The following CERT1 variants were observed in gnomAD, a reference collection of about 807,000 sequenced individuals.
CERT1 encodes the protein ceramide transfer protein.
A neutral mutation model predicts 87.9 loss-of-function variants in CERT1; 31 were observed. The ratio of observed to expected loss-of-function variants is 0.35; its 90% CI spans 0.27 to 0.48. The LOEUF is 0.48. CERT1 is among the 20% of genes least tolerant of loss of function. CERT1 has a pLI of 0.99. For missense variants in CERT1, 487 were observed against 758.0 expected, an observed-to-expected ratio of 0.64 and a Z score of 4.20; for synonymous variants, 289 against 250.9, an observed-to-expected ratio of 1.15 and a Z score of -1.44.
At chr5:75,511,041 C>T (rs1040547895) in intron 1 of CERT1, 71 bp downstream of exon 1, 3 of 1,455,040 alleles carry the variant, frequency 2.1e-6, no homozygotes, top group African/African-American at 2.9e-5. Flanking sequence ...AGCCCCACCC[C>T]ACCGCCTCAG....
chr5:75,445,939 T>C lies in CERT1; in HGVS notation c.348+13126A>G, dbSNP rs146159052. 4.7e-3 allele frequency among the ~76,000 whole-genome samples: 709 copies of C among 152,350 alleles called. 11 individuals are homozygous for C. The highest frequency in any genetic ancestry group is 0.034 in the Admixed American group (517 of 15,306). ...CTTTTATATGATGAGCTGCTTCTGA[T>C]TGCTTTCAGGATACTCTGTATGTCT... On this transcript the variant is annotated intron_variant, in intron 3 of 16. Transcript: ENST00000643780.
At chr5:75,433,925 TTTA>T (rs1022360461) in intron 3 of CERT1, among the ~76,000 whole-genome samples, 1 of 152,218 alleles carries the variant, frequency 6.6e-6, no homozygotes, top group African/African-American at 2.4e-5. Flanking sequence ...TAGAATAATA[TTTA>T]TTATCTGTGA....
chr5:75,406,713 T>C (rs1762719822), intron 8 of CERT1, among the ~76,000 whole-genome samples: 1 of 151,970 alleles, frequency 6.6e-6, no homozygotes. Context: ...TACAGCTAAT[T>C]TTTGTATTTT....
intron 14 of CERT1, among the ~76,000 whole-genome samples, chr5:75,383,446 C>A (rs917803471): frequency 4.0e-4 from 61 of 152,044 alleles, no homozygotes; most frequent in African/African-American, 1.4e-3. Context: ...TCTTTTGGTT[C>A]TAAATTATTG....
chr5:75,441,086 C>T (rs1764301336), intron 3 of CERT1, among the ~76,000 whole-genome samples: 1 of 152,068 alleles, frequency 6.6e-6, no homozygotes, highest in South Asian at 2.1e-4. Flanking sequence ...CTAGTATGTA[C>T]AGTCATGCAC....
Position 75,380,938 on chromosome 5 carries a change from T to C in CERT1, c.1747+134A>G, listed in dbSNP as rs1421347179. 5 of 898,154 alleles carry C rather than the reference T, an allele frequency of 5.6e-6. No individual in the cohort carries two copies. In the Admixed American group the frequency reaches 1.1e-4, roughly 20 times the overall value. 55.6% of individuals were successfully genotyped at this position (898,154 alleles called of 1,614,324 possible). ...TTCAAAGATTCTCTAGTAATTCTGA[T>C]ATACCTTTCTCCAAATTAAAAATTA... On this transcript the variant is annotated intron_variant, in intron 16 of 16. Coordinates refer to ENST00000643780, the MANE Select transcript of CERT1 (RefSeq NM_001379029.1).
intron 15 of CERT1, among the ~76,000 whole-genome samples, chr5:75,381,514 C>A (rs528126200): frequency 6.6e-6 from 1 of 151,174 alleles, no homozygotes; most frequent in East Asian, 1.9e-4. Context: ...CATCACCAGG[C>A]CTGGCTAATT....
At chr5:75,509,516 G>A (rs1166201941) in intron 1 of CERT1, among the ~76,000 whole-genome samples, 1 of 152,094 alleles carries the variant, frequency 6.6e-6, no homozygotes, top group Non-Finnish European at 1.5e-5. Context: ...CCATAGAGGT[G>A]ATCAAATACA....
At chr5:75,374,436 GT>G (rs1761208259), downstream of CERT1, 4 of 618,230 alleles carry the variant, frequency 6.5e-6, no homozygotes, top group Non-Finnish European at 8.7e-6. Context: ...AACGGGAACA[GT>G]CCTCTCTACA....
chr5:75,433,543 T>C (rs961771929), intron 3 of CERT1, among the ~76,000 whole-genome samples: 2 of 152,166 alleles, frequency 1.3e-5, no homozygotes, highest in Non-Finnish European at 2.9e-5. Flanking sequence ...TTTATCGAGA[T>C]AGGGTCTCGT....
intron 2 of CERT1, among the ~76,000 whole-genome samples, chr5:75,460,521 C>G (rs1765180721): frequency 6.6e-6 from 1 of 152,140 alleles, no homozygotes; most frequent in Admixed American, 6.5e-5. Flanking sequence ...TTTTTAATCT[C>G]AATAAATGAA....
chr5:75,460,823 C>T lies in CERT1; in HGVS notation c.232-1642G>A, dbSNP rs560556596. Among the ~76,000 whole-genome samples the T allele has an allele frequency of 2.0e-4, 31 of 152,242 alleles. 1 individual carries two copies. Among genetic ancestry groups the T allele is most frequent in the African/African-American group, 7.2e-4 (30 of 41,550 alleles). On this transcript the variant is annotated intron_variant, in intron 2 of 16. Coordinates refer to ENST00000643780, the MANE Select transcript of CERT1 (RefSeq NM_001379029.1). ...CTACCATTTTCTTTAGGCTATGAAA[C>T]AACTTAAGATAAGAAATCATGGTTC...
intron 3 of CERT1, among the ~76,000 whole-genome samples, chr5:75,436,747 T>C (rs1303522826): frequency 6.6e-6 from 1 of 152,212 alleles, no homozygotes; most frequent in East Asian, 1.9e-4. Flanking sequence ...TATTTGAAAA[T>C]ATTCAAAACT....
At chr5:75,435,326 C>A (rs138664176) in intron 3 of CERT1, among the ~76,000 whole-genome samples, 3 of 152,180 alleles carry the variant, frequency 2.0e-5, no homozygotes. Flanking sequence ...ATCTTTCAAC[C>A]CTTGGACTGT....
chr5:75,369,343 C>T (rs192166147), intron 17 of CERT1: 2 of 152,114 alleles, frequency 1.3e-5, no homozygotes, highest in Admixed American at 6.6e-5. Context: ...TAAATCGAAC[C>T]ATTGTTAAGG....
At chr5:75,468,068 G>A (rs942906073) in intron 2 of CERT1, among the ~76,000 whole-genome samples, 5 of 152,144 alleles carry the variant, frequency 3.3e-5, no homozygotes, top group Middle Eastern at 3.2e-3. Context: ...TTTGTATTTG[G>A]TAAGAGTTTG....
chr5:75,408,551 G>A (rs1762805406), intron 8 of CERT1, among the ~76,000 whole-genome samples: 1 of 152,108 alleles, frequency 6.6e-6, no homozygotes, highest in Admixed American at 6.6e-5. Flanking sequence ...AATACTGCAT[G>A]TTCTCATTTA....
Position 75,449,682 on chromosome 5 carries a change from G to A in CERT1, c.348+9383C>T, listed in dbSNP as rs369050049. On this transcript the variant is annotated intron_variant, in intron 3 of 16. Transcript: ENST00000643780. ...TGTATGAGATTACTTGTTGCTCCAC[G>A]TCCTCACCAACACTTGGTGGTGGTG... 1.6e-4 allele frequency among the ~76,000 whole-genome samples: 24 copies of A among 149,686 alleles called. 1 individual carries two copies. Among genetic ancestry groups the A allele is most frequent in the African/African-American group, 4.9e-4 (20 of 40,992 alleles).
intron 2 of CERT1, among the ~76,000 whole-genome samples, chr5:75,503,566 A>G (rs1473184586): frequency 6.6e-6 from 1 of 151,968 alleles, no homozygotes; most frequent in East Asian, 1.9e-4. Context: ...AGGAAAGTTC[A>G]AGTTCAATAA....
Sources: gnomAD v4.1 joint callset for allele counts (sites outside exome capture counted in the v4.1 genomes callset) on GRCh38, gnomAD v4.1.1 for gene constraint, MANE v1.5 for transcripts, NCBI Gene and HGNC (gene_info 2026-07-23, HGNC 2026-07-21) for gene names.